The following DPP10 variants were observed in gnomAD, a reference collection of about 807,000 sequenced individuals.
DPP10 encodes dipeptidyl peptidase like 10.
Under a neutral mutation model 120.9 loss-of-function variants are expected in DPP10, and 33 were observed. The observed-to-expected ratio is 0.27, with a 90% CI of 0.21 to 0.37. The LOEUF is 0.37. Ranked by LOEUF, DPP10 falls within the 10% of genes least tolerant of loss-of-function variation. DPP10 has a pLI of 1.00. For synonymous variants in DPP10, 337 were observed against 326.1 expected, an observed-to-expected ratio of 1.03 and a Z score of -0.36; for missense variants, 816 against 942.8, an observed-to-expected ratio of 0.87 and a Z score of 1.76.
At chr2:115,381,141 A>T (rs1052747268) in intron 3 of DPP10, among the ~76,000 whole-genome samples, 1 of 152,198 alleles carries the variant, frequency 6.6e-6, no homozygotes, top group Admixed American at 6.5e-5. Context: ...AATATCCTGC[A>T]GAGTATTTTC....
intron 1 of DPP10, chr2:115,161,864 G>A: frequency 8.1e-7 from 1 of 1,234,454 alleles, no homozygotes; most frequent in Non-Finnish European, 1.0e-6. Flanking sequence ...TTCCGGGAGC[G>A]ACGGGCGCCC....
rs66716319 is a variant in DPP10, at chr2:114,532,256, CATATATATATAT to C, written c.60+89448_60+89459del. ...CGAGCCAATTCCCATAATAAATCTCCATATATATATATATATATATATATATATATATATATA... is the reference window on the plus strand; with the variant it reads ...CGAGCCAATTCCCATAATAAATCTCCATATATATATATATATATATATATA... On this transcript the variant is annotated intron_variant, in intron 1 of 25. Transcript: ENST00000410059. 3.5e-3 allele frequency among the ~76,000 whole-genome samples: 299 copies of C among 86,274 alleles called. 5 individuals are homozygous for C. Among genetic ancestry groups the C allele is most frequent in the Non-Finnish European group, 4.9e-3 (223 of 45,814 alleles). 56.6% of individuals were successfully genotyped at this position (86,274 alleles called of 152,430 possible). A position where few individuals can be genotyped will look rare whatever the true frequency, so the allele number is the denominator to read the frequency against.
At position 114,652,049 on chromosome 2, in the gene DPP10, A is replaced by G. The variant is rs140870107; in HGVS notation, c.60+209211A>G. 2.8e-3 allele frequency among the ~76,000 whole-genome samples: 431 copies of G among 152,288 alleles called. 2 individuals carry two copies. The highest frequency in any genetic ancestry group is 9.8e-3 in the African/African-American group (406 of 41,566). On this transcript the variant is annotated intron_variant, in intron 1 of 25. Transcript: ENST00000410059. ...AGCAAAGTTGGGATATCCATGAAGAAAAAAGGGTCAGTGCGTGCAAGGGAT... is the reference window on the plus strand; with the variant it reads ...AGCAAAGTTGGGATATCCATGAAGAGAAAAGGGTCAGTGCGTGCAAGGGAT...
intron 1 of DPP10, among the ~76,000 whole-genome samples, chr2:114,768,411 CAAT>C (rs1223888691): frequency 2.6e-5 from 4 of 152,090 alleles, no homozygotes; most frequent in African/African-American, 7.2e-5. Flanking sequence ...ATCACGACAA[CAAT>C]AATAATCTCT....
At chr2:114,615,503 T>G (rs17715688) in intron 1 of DPP10, among the ~76,000 whole-genome samples, 10,652 of 152,144 alleles carry the variant, frequency 0.07, 520 homozygotes, top group Non-Finnish European at 0.11. Flanking sequence ...AGTCCTCAAC[T>G]CATCACTAAT....
At chr2:115,046,483 G>A (rs527300238) in intron 1 of DPP10, among the ~76,000 whole-genome samples, 1 of 152,194 alleles carries the variant, frequency 6.6e-6, no homozygotes, top group Non-Finnish European at 1.5e-5. Context: ...TCTCGAAAGG[G>A]CCATAAGGTA....
intron 1 of DPP10, among the ~76,000 whole-genome samples, chr2:115,273,945 G>C (rs1046300210): frequency 1.3e-5 from 2 of 152,146 alleles, no homozygotes; most frequent in South Asian, 4.1e-4. Flanking sequence ...ACTCGTAGCC[G>C]TCTTGTGGAC....
intron 1 of DPP10, among the ~76,000 whole-genome samples, chr2:114,853,944 A>T (rs536375544): frequency 1.3e-5 from 2 of 152,300 alleles, no homozygotes; most frequent in East Asian, 3.9e-4. Context: ...TATCTCTACC[A>T]TAACCTTACT....
At chr2:115,156,675 G>A (rs1179067735) in intron 1 of DPP10, among the ~76,000 whole-genome samples, 2 of 152,100 alleles carry the variant, frequency 1.3e-5, no homozygotes, top group South Asian at 4.1e-4. Flanking sequence ...ACTTTTCAAG[G>A]AATAAAGGAA....
intron 4 of DPP10, among the ~76,000 whole-genome samples, chr2:115,502,020 A>G (rs1481467727): frequency 6.6e-6 from 1 of 152,112 alleles, no homozygotes; most frequent in African/African-American, 2.4e-5. Flanking sequence ...TAAATATACT[A>G]TTGATGAAAA....
intron 19 of DPP10, among the ~76,000 whole-genome samples, chr2:115,792,971 G>A (rs1033089556): frequency 2.0e-5 from 3 of 152,186 alleles, no homozygotes; most frequent in Non-Finnish European, 4.4e-5. Flanking sequence ...TCCACCTGCT[G>A]TAGGGCAGTG....
chr2:115,228,367 A>G (rs1384836666), intron 1 of DPP10, among the ~76,000 whole-genome samples: 2 of 152,124 alleles, frequency 1.3e-5, no homozygotes, highest in African/African-American at 4.8e-5. Flanking sequence ...AGACTATAAA[A>G]TTATACTCTT....
chr2:115,544,944 T>G (rs1286407245), intron 5 of DPP10, among the ~76,000 whole-genome samples: 1 of 152,074 alleles, frequency 6.6e-6, no homozygotes, highest in Non-Finnish European at 1.5e-5. Flanking sequence ...GACTGCTGCC[T>G]AAGTTGTTTT....
At chr2:115,075,246 C>T (rs1336440481) in intron 1 of DPP10, among the ~76,000 whole-genome samples, 1 of 152,198 alleles carries the variant, frequency 6.6e-6, no homozygotes, top group East Asian at 1.9e-4. Flanking sequence ...AATTCTCTTT[C>T]TTAGAAGTTG....
At chr2:114,558,101 AT>A (rs1293987314) in intron 1 of DPP10, among the ~76,000 whole-genome samples, 1 of 152,192 alleles carries the variant, frequency 6.6e-6, no homozygotes, top group African/African-American at 2.4e-5. Context: ...CTCTGGAGAC[AT>A]TCAAAGAACA....
rs189894771 is a variant in DPP10, at chr2:115,841,759, C to T, written c.2257-452C>T. Among the ~76,000 whole-genome samples the T allele has an allele frequency of 2.0e-3, 312 of 152,252 alleles. 1 individual carries two copies. Among genetic ancestry groups the T allele is most frequent in the African/African-American group, 7.3e-3 (304 of 41,544 alleles). On this transcript the variant is annotated intron_variant, in intron 25 of 25. Coordinates refer to ENST00000410059, the MANE Select transcript of DPP10 (RefSeq NM_020868.6). ...AGGGAATTGTCAAAGTAAATAATTGCACCAGACAATGTTAAAGAGGCAAGG... is the reference window on the plus strand; with the variant it reads ...AGGGAATTGTCAAAGTAAATAATTGTACCAGACAATGTTAAAGAGGCAAGG...
chr2:115,263,109 T>C (rs2059323623), intron 1 of DPP10, among the ~76,000 whole-genome samples: 1 of 152,204 alleles, frequency 6.6e-6, no homozygotes, highest in Non-Finnish European at 1.5e-5. Context: ...GTGTAGTTTT[T>C]TTATTCTACA....
intron 21 of DPP10, among the ~76,000 whole-genome samples, chr2:115,817,998 T>TA (rs1687440195): frequency 6.6e-6 from 1 of 150,710 alleles, no homozygotes; most frequent in South Asian, 2.1e-4. Context: ...ACTAGTAAAG[T>TA]AAAAAACAAA....
chr2:115,781,372 A>T (rs1682746230), intron 16 of DPP10, among the ~76,000 whole-genome samples: 1 of 151,902 alleles, frequency 6.6e-6, no homozygotes. Flanking sequence ...TTGTTAAGAG[A>T]TTTAGGATCT....
Sources: allele counts gnomAD v4.1 joint callset (sites outside exome capture counted in the v4.1 genomes callset), GRCh38; gene constraint gnomAD v4.1.1; transcripts MANE v1.5; gene names NCBI Gene and HGNC (gene_info 2026-07-23, HGNC 2026-07-21).